Variants in SAMD8 observed in about 807,000 individuals in gnomAD.
The protein encoded by SAMD8 is sphingomyelin synthase-related protein 1.
SAMD8 carries 20 observed loss-of-function variants against 42.0 expected under a neutral mutation model. That is an observed-to-expected ratio of 0.48 (90% CI 0.34 to 0.69). The LOEUF (loss-of-function observed/expected upper bound fraction) is 0.69. SAMD8 is among the 30% of genes least tolerant of loss of function. SAMD8 has a pLI of 0.01. For missense variants in SAMD8, 328 were observed against 511.6 expected (o/e 0.64, Z 3.46); for synonymous variants, 162 against 173.0 (o/e 0.94, Z 0.50).
At chr10:75,164,498 C>G in intron 2 of SAMD8, 147 bp from the exon 3 acceptor site, 2 of 1,386,240 alleles carry the variant, frequency 1.4e-6, no homozygotes, top group South Asian at 1.8e-5. Flanking sequence ...GATTTTTTCT[C>G]CCAGTTTCTC....
intron 2 of SAMD8, among the ~76,000 whole-genome samples, chr10:75,155,785 A>G (rs535949783): frequency 6.6e-6 from 1 of 152,368 alleles, no homozygotes; most frequent in African/African-American, 2.4e-5. Flanking sequence ...GTAGACTATC[A>G]TACATCTATA....
chr10:75,134,920 G>A (rs1849355144), intron 1 of SAMD8, among the ~76,000 whole-genome samples: 1 of 151,940 alleles, frequency 6.6e-6, no homozygotes, highest in Non-Finnish European at 1.5e-5. Flanking sequence ...AATTAGCCAA[G>A]CATGATGGCA....
intron 1 of SAMD8, among the ~76,000 whole-genome samples, chr10:75,119,789 G>A (rs1341868226): frequency 6.6e-6 from 1 of 152,150 alleles, no homozygotes; most frequent in Non-Finnish European, 1.5e-5. Flanking sequence ...TTGTTAGCTG[G>A]GCACGGTGAC....
At chr10:75,108,953 C>G, upstream of SAMD8, 6 of 1,543,368 alleles carry the variant, frequency 3.9e-6, no homozygotes, top group Non-Finnish European at 4.4e-6. Context: ...GTAAAGCGAC[C>G]AAGAACTGCC....
At chr10:75,110,574 T>C (rs936122496), upstream of SAMD8, among the ~76,000 whole-genome samples, 25 of 152,034 alleles carry the variant, frequency 1.6e-4, no homozygotes, top group African/African-American at 6.0e-4. Flanking sequence ...CCCGGCACTG[T>C]GTGGGGAGGC....
intron 1 of SAMD8, among the ~76,000 whole-genome samples, chr10:75,118,802 CA>C (rs1246410151): frequency 6.6e-6 from 1 of 152,150 alleles, no homozygotes; most frequent in Non-Finnish European, 1.5e-5. Context: ...TTATTAATCA[CA>C]AAGTTTAGCC....
At chr10:75,105,556 C>A (rs1167143669) in intron 1 of SAMD8, 12 of 1,142,842 alleles carry the variant, frequency 1.1e-5, no homozygotes, top group Middle Eastern at 2.9e-4. Flanking sequence ...CCACACACAG[C>A]CCTGCCAACC....
chr10:75,171,154 C>CTTTTTCTT (rs1840853313), intron 4 of SAMD8, among the ~76,000 whole-genome samples: 1 of 108,186 alleles, frequency 9.2e-6, no homozygotes, highest in Admixed American at 9.4e-5. Flanking sequence ...TTCTTTCTTT[C>CTTTTTCTT]TTTTTCTTTT....
At chr10:75,158,597 A>T (rs1840476608) in intron 2 of SAMD8, among the ~76,000 whole-genome samples, 2 of 152,296 alleles carry the variant, frequency 1.3e-5, no homozygotes, top group Non-Finnish European at 1.5e-5. Context: ...CTCAAAAAAA[A>T]AATAATAATA....
At chr10:75,152,509 G>A (rs1404038889) in intron 2 of SAMD8, among the ~76,000 whole-genome samples, 6 of 133,454 alleles carry the variant, frequency 4.5e-5, no homozygotes, top group African/African-American at 1.4e-4. Flanking sequence ...GCGACAGAGC[G>A]AGACTCCGTC....
At position 75,179,668 on chromosome 10, in the gene SAMD8, A is replaced by G. The variant is rs1002170152; in HGVS notation, c.*2976A>G. The G allele has an allele frequency of 1.3e-5, 2 of 152,226 alleles. No individual in the cohort carries two copies. The highest frequency in any genetic ancestry group is 2.9e-5 in the Non-Finnish European group (2 of 68,046). 9.4% of individuals were successfully genotyped at this position (152,226 alleles called of 1,614,324 possible). On this transcript the variant is annotated 3_prime_UTR_variant, in exon 6 of 6. Coordinates refer to ENST00000542569, the MANE Select transcript of SAMD8 (RefSeq NM_001174156.2). ...ACAAATTTATTTTCAGTTTTACTTAAACATGAAACCTGTATTTTAGTTGCT... is the reference window on the plus strand; with the variant it reads ...ACAAATTTATTTTCAGTTTTACTTAGACATGAAACCTGTATTTTAGTTGCT...
At chr10:75,117,163 A>G (rs1490542895) in intron 1 of SAMD8, among the ~76,000 whole-genome samples, 1 of 151,416 alleles carries the variant, frequency 6.6e-6, no homozygotes, top group East Asian at 2.0e-4. Context: ...TGACTCATGC[A>G]TGTAATCCCA....
In SAMD8 at chr10:75,148,714, A is replaced by G. The variant is rs115365610; in HGVS notation, c.-15-1800A>G. ...GCACAGAAAGTTTTTCATAGCCAAC[A>G]ATGCATTTATAAGGCCATGATAAAC... On this transcript the variant is annotated intron_variant, in intron 1 of 5. Coordinates refer to ENST00000542569, the MANE Select transcript of SAMD8 (RefSeq NM_001174156.2). Among the ~76,000 whole-genome samples, 1,098 of 152,278 alleles carry G rather than the reference A, an allele frequency of 7.2e-3. 14 individuals carry two copies. Among genetic ancestry groups the G allele is most frequent in the African/African-American group, 0.025 (1,039 of 41,548 alleles).
chr10:75,145,739 GTCT>G (rs769725459), intron 1 of SAMD8, among the ~76,000 whole-genome samples: 2 of 152,174 alleles, frequency 1.3e-5, no homozygotes, highest in Non-Finnish European at 2.9e-5. Context: ...AACCAAAAAT[GTCT>G]TCAGACATTG....
chr10:75,138,712 A>G (rs948775545), intron 1 of SAMD8, among the ~76,000 whole-genome samples: 8 of 152,162 alleles, frequency 5.3e-5, no homozygotes, highest in African/African-American at 1.9e-4. Flanking sequence ...AAAGAAACAA[A>G]TTTACTAGTA....
At position 75,103,024 on chromosome 10, in the gene SAMD8, A is replaced by C. The variant is rs1196114704; in HGVS notation, c.-16+3296A>C. Among the ~76,000 whole-genome samples, 7 of 152,212 alleles carry C rather than the reference A, an allele frequency of 4.6e-5. No individual in the cohort carries two copies. In the East Asian group the frequency reaches 1.4e-3, roughly 29 times the overall value. On this transcript the variant is annotated intron_variant, in intron 1 of 3. Coordinates refer to the SAMD8 transcript ENST00000447533. ...CCTACTCGGGAAGCTGAGGTGGGAG[A>C]ATCACCTGAGCCCAGGAAGTCAAGG...
chr10:75,127,930 C>A (rs1170404421), intron 1 of SAMD8, among the ~76,000 whole-genome samples: 1 of 152,130 alleles, frequency 6.6e-6, no homozygotes, highest in East Asian at 1.9e-4. Context: ...GTGCAGTTAA[C>A]TCTTCCTAGG....
chr10:75,167,332 C>T (rs2132204315), intron 3 of SAMD8, among the ~76,000 whole-genome samples: 1 of 152,262 alleles, frequency 6.6e-6, no homozygotes, highest in South Asian at 2.1e-4. Flanking sequence ...TCATGGCTCA[C>T]TGCATCCTTG....
chr10:75,139,754 T>C (rs568040712), intron 1 of SAMD8, among the ~76,000 whole-genome samples: 55 of 152,308 alleles, frequency 3.6e-4, no homozygotes, highest in African/African-American at 1.3e-3. Flanking sequence ...ATTCAAACCA[T>C]GCAGAAACTT....
Sources: gnomAD v4.1 joint callset for allele counts (sites outside exome capture counted in the v4.1 genomes callset) on GRCh38, gnomAD v4.1.1 for gene constraint, MANE v1.5 for transcripts, NCBI Gene and HGNC (gene_info 2026-07-23, HGNC 2026-07-21) for gene names.